Variants in DNAAF1 observed in about 807,000 individuals in gnomAD.
DNAAF1 encodes the protein dynein assembly factor 1, axonemal.
In DNAAF1, 65 loss-of-function variants were observed where a neutral mutation model predicts 71.1. The ratio of observed to expected loss-of-function variants is 0.91; its 90% CI spans 0.75 to 1.12. The LOEUF (loss-of-function observed/expected upper bound fraction) is 1.12. Among genes scored for constraint, DNAAF1 ranks in the 50% most tolerant of loss-of-function variants. The pLI, the probability that DNAAF1 is intolerant of heterozygous loss-of-function variation, is 0.00. For missense variants in DNAAF1, 1,178 were observed against 899.8 expected (o/e 1.31, Z -3.96); for synonymous variants, 414 against 354.6 (o/e 1.17, Z -1.88).
At chr16:84,174,870 T>G in intron 10 of DNAAF1, 148 bp downstream of exon 10, 1 of 1,113,524 alleles carries the variant, frequency 9.0e-7, no homozygotes, top group Non-Finnish European at 1.3e-6. Flanking sequence ...TTTTCTTTTC[T>G]TTTCAGGCAG....
In DNAAF1 at chr16:84,176,294, C is replaced by G; in HGVS notation, c.2060C>G (p.Ser687Cys). ...GACAGCGACTTCCTTGCAGCCTCTT[C>G]TCCGGGTAAGAGCGTGGGGCCGAGA... ...DRDSDFLAASSPVPTESAATP... is the reference protein window; with the variant it reads ...DRDSDFLAASCPVPTESAATP... The change falls in exon 11 of 12, where the codon TCT (serine) becomes TGT (cysteine). Residue 687 changes from serine to cysteine, a missense_variant. By Grantham distance (112) the Ser-to-Cys change is moderately radical. Coordinates refer to ENST00000378553, the MANE Select transcript of DNAAF1 (RefSeq NM_178452.6). 6.2e-7 allele frequency: 1 copy of G among 1,613,270 alleles called. No homozygotes were observed. The highest frequency in any genetic ancestry group is 8.5e-7 in the Non-Finnish European group (1 of 1,179,920).
At chr16:84,172,461 G>A (rs764906095) in intron 9 of DNAAF1, 86 bp downstream of exon 9, 20 of 1,557,094 alleles carry the variant, frequency 1.3e-5, no homozygotes, top group Non-Finnish European at 1.6e-5. Context: ...GGAGACCCTC[G>A]ATACCCCAAG....
intron 3 of DNAAF1, among the ~76,000 whole-genome samples, chr16:84,153,093 T>C (rs938095734): frequency 6.6e-6 from 1 of 152,158 alleles, no homozygotes; most frequent in Non-Finnish European, 1.5e-5. Context: ...TGTTTGATGA[T>C]GACGTTGAGG....
At position 84,154,564 on chromosome 16, in the gene DNAAF1, T is replaced by A; in HGVS notation, c.353-13T>A. On this transcript the variant is annotated splice_polypyrimidine_tract_variant and intron_variant, in intron 3 of 11. Transcript: ENST00000378553. ...AGTAGGAGCTTAATTCCCACGTGCTTCCTTTTTGTTAGGTTTTGATCGCAT... is the reference window on the plus strand; with the variant it reads ...AGTAGGAGCTTAATTCCCACGTGCTACCTTTTTGTTAGGTTTTGATCGCAT... The A allele has an allele frequency of 6.2e-7, 1 of 1,613,372 alleles. No individual in the cohort carries two copies. Among genetic ancestry groups the A allele is most frequent in the Non-Finnish European group, 8.5e-7 (1 of 1,179,664 alleles).
At chr16:84,145,820 C>T (rs1378161786) in intron 1 of DNAAF1, among the ~76,000 whole-genome samples, 1 of 152,172 alleles carries the variant, frequency 6.6e-6, no homozygotes, top group African/African-American at 2.4e-5. Flanking sequence ...TGGCCGGGTG[C>T]GGTGGCTCAA....
rs786205052 is a variant in DNAAF1 at position 84,154,730 on chromosome 16, T to TG, written c.508dup (p.Glu170GlyfsTer10). 2 of 1,614,032 alleles carry TG rather than the reference T, an allele frequency of 1.2e-6. No homozygotes were observed. The highest frequency in any genetic ancestry group is 1.7e-6 in the Non-Finnish European group (2 of 1,180,022). ...AACTTGCTCCGTAAAATTGAGAACCTGGAACCTCTGCAGAAACTGGATGCT... is the reference window on the plus strand; with the variant it reads ...AACTTGCTCCGTAAAATTGAGAACCTGGGAACCTCTGCAGAAACTGGATGCT... On this transcript the variant is annotated frameshift_variant, in exon 4 of 12. Coordinates refer to ENST00000378553, the MANE Select transcript of DNAAF1 (RefSeq NM_178452.6). LOFTEE classifies it high-confidence loss of function.
At chr16:84,167,901 C>T (rs2088109539) in intron 7 of DNAAF1, among the ~76,000 whole-genome samples, 2 of 152,076 alleles carry the variant, frequency 1.3e-5, no homozygotes, top group African/African-American at 4.8e-5. Flanking sequence ...CCTATAATCC[C>T]AGCTACTTGG....
intron 3 of DNAAF1, among the ~76,000 whole-genome samples, chr16:84,154,205 C>T (rs1037396335): frequency 6.6e-6 from 1 of 152,164 alleles, no homozygotes; most frequent in Admixed American, 6.5e-5. Context: ...AAATGTATTT[C>T]TCACAGTTCT....
intron 5 of DNAAF1, among the ~76,000 whole-genome samples, chr16:84,158,100 G>C (rs1423402589): frequency 6.6e-6 from 1 of 152,114 alleles, no homozygotes; most frequent in East Asian, 1.9e-4. Context: ...AGCTACTCTG[G>C]TGGCTGAGGC....
chr16:84,177,062 T>C (rs2088732455), intron 11 of DNAAF1: 2 of 177,004 alleles, frequency 1.1e-5, no homozygotes, highest in South Asian at 1.2e-4. Context: ...GCTACTCTCA[T>C]CCAGCACGCA....
intron 6 of DNAAF1, 114 bp from the exon 7 acceptor site, chr16:84,165,669 G>T: frequency 5.8e-6 from 6 of 1,026,554 alleles, no homozygotes; most frequent in South Asian, 1.3e-5. Flanking sequence ...TATCCTTGCA[G>T]TCACATGTCT....
At chr16:84,169,435 T>C (rs1042701983) in intron 7 of DNAAF1, among the ~76,000 whole-genome samples, 2 of 151,580 alleles carry the variant, frequency 1.3e-5, no homozygotes, top group Middle Eastern at 3.4e-3. Context: ...ATAATTTTTT[T>C]TGGAGACAGA....
intron 3 of DNAAF1, among the ~76,000 whole-genome samples, chr16:84,151,677 C>T (rs1003104276): frequency 6.6e-6 from 1 of 152,142 alleles, no homozygotes; most frequent in Non-Finnish European, 1.5e-5. Flanking sequence ...GCCGGGAACT[C>T]GGGAGTCATC....
chr16:84,155,150 C>T (rs748040263), intron 4 of DNAAF1, among the ~76,000 whole-genome samples: 3 of 152,160 alleles, frequency 2.0e-5, no homozygotes, highest in South Asian at 2.1e-4. Flanking sequence ...CCTCGTGATC[C>T]GCCCGCCTTG....
rs372901697 is a variant in DNAAF1 at position 84,176,087 on chromosome 16, G to A, written c.1853G>A (p.Arg618Gln). ...TCTAAAGACACCTCAAAGGCGGCTC[G>A]GGTGCCCTTCACAGACATCTTTAAA... ...AVSKDTSKAA[R>Q]VPFTDIFKKE... Residue 618 changes from arginine to glutamine, a missense_variant, in exon 11 of 12, where the codon CGG (arginine) becomes CAG (glutamine). Coordinates refer to ENST00000378553, the MANE Select transcript of DNAAF1 (RefSeq NM_178452.6). 35 of 1,613,826 alleles carry A rather than the reference G, an allele frequency of 2.2e-5. No individual in the cohort carries two copies. Among genetic ancestry groups the A allele is most frequent in the East Asian group, 1.6e-4 (7 of 44,866 alleles).
intron 6 of DNAAF1, among the ~76,000 whole-genome samples, chr16:84,160,791 C>T (rs1469668563): frequency 6.6e-6 from 1 of 151,360 alleles, no homozygotes; most frequent in Non-Finnish European, 1.5e-5. Context: ...AAAAATTAGC[C>T]GGGCGTGGTG....
rs185261874 is a variant in DNAAF1 at position 84,174,134 on chromosome 16, G to T, written c.1645-535G>T. 1,564 of 975,156 alleles carry T rather than the reference G, an allele frequency of 1.6e-3. 25 individuals carry two copies. The African/African-American group carries it at 0.025, about 15-fold the overall frequency. 60.4% of individuals were successfully genotyped at this position (975,156 alleles called of 1,614,324 possible). ...CAGACAGCTAGAAAATGGTGGTGGGGGAGTAACAACCTAGGCACCGTGGCT... is the reference window on the plus strand; with the variant it reads ...CAGACAGCTAGAAAATGGTGGTGGGTGAGTAACAACCTAGGCACCGTGGCT... On this transcript the variant is annotated intron_variant, in intron 9 of 11. Coordinates refer to ENST00000378553, the MANE Select transcript of DNAAF1 (RefSeq NM_178452.6).
At chr16:84,172,400 G>T in intron 9 of DNAAF1, 25 bp downstream of exon 9, 1 of 1,612,520 alleles carries the variant, frequency 6.2e-7, no homozygotes, top group Non-Finnish European at 8.5e-7. Context: ...TAATCTTGGA[G>T]ATAAGTATCA....
chr16:84,172,883 T>C, intron 9 of DNAAF1: 2 of 1,011,780 alleles, frequency 2.0e-6, no homozygotes, highest in Non-Finnish European at 2.4e-6. Context: ...TCCCCTTGAG[T>C]GAATGTTTGA....
Sources: allele counts gnomAD v4.1 joint callset (sites outside exome capture counted in the v4.1 genomes callset), GRCh38; gene constraint gnomAD v4.1.1; transcripts MANE v1.5; gene names NCBI Gene and HGNC (gene_info 2026-07-23, HGNC 2026-07-21).